Variants in ZNF267 observed in about 807,000 individuals in gnomAD.
The protein encoded by ZNF267 is zinc finger (C2H2).
Under a neutral mutation model 71.6 loss-of-function variants are expected in ZNF267, and 61 were observed. The ratio of observed to expected loss-of-function variants is 0.85; its 90% CI spans 0.69 to 1.05. The LOEUF is 1.05. Among genes scored for constraint, ZNF267 ranks in the 50% least tolerant of loss-of-function variants. The pLI is 0.00. For missense variants in ZNF267, 852 were observed against 870.0 expected, an observed-to-expected ratio of 0.98 and a Z score of 0.26; for synonymous variants, 288 against 293.2, an observed-to-expected ratio of 0.98 and a Z score of 0.18.
intron 3 of ZNF267, among the ~76,000 whole-genome samples, chr16:31,906,606 CGTTT>C (rs764087329): frequency 1.3e-5 from 2 of 152,066 alleles, no homozygotes; most frequent in African/African-American, 2.4e-5. Flanking sequence ...CCTGGTGTGC[CGTTT>C]GTTAAGCCTA....
At chr16:31,874,341 A>C (rs1419027171) in intron 1 of ZNF267, 2 of 225,244 alleles carry the variant, frequency 8.9e-6, no homozygotes, top group Non-Finnish European at 1.7e-5. Context: ...GTCCTCAGTC[A>C]CTACTCCTCT....
chr16:31,881,677 T>G (rs1265251568), intron 1 of ZNF267, among the ~76,000 whole-genome samples: 1 of 148,794 alleles, frequency 6.7e-6, no homozygotes, highest in Non-Finnish European at 1.5e-5. Flanking sequence ...CTTCTTTTTT[T>G]TTTTTTTTTT....
At chr16:31,887,601 A>G (rs937296225) in intron 3 of ZNF267, among the ~76,000 whole-genome samples, 1 of 152,146 alleles carries the variant, frequency 6.6e-6, no homozygotes, top group Non-Finnish European at 1.5e-5. Flanking sequence ...TCTTTTGCAG[A>G]TGACTACTTT....
At chr16:31,908,281 C>T (rs955564338) in intron 3 of ZNF267, among the ~76,000 whole-genome samples, 3 of 152,098 alleles carry the variant, frequency 2.0e-5, no homozygotes, top group African/African-American at 7.2e-5. Context: ...GTTTGAGCTC[C>T]TTACATATTC....
At chr16:31,881,309 G>C (rs1437816762) in intron 1 of ZNF267, among the ~76,000 whole-genome samples, 1 of 152,036 alleles carries the variant, frequency 6.6e-6, no homozygotes, top group African/African-American at 2.4e-5. Flanking sequence ...CCCAGCCCCT[G>C]CCCCAGCTCT....
intron 1 of ZNF267, among the ~76,000 whole-genome samples, chr16:31,881,539 A>G (rs937961662): frequency 5.0e-4 from 76 of 152,174 alleles, no homozygotes; most frequent in African/African-American, 1.7e-3. Flanking sequence ...TCTTATTGAA[A>G]CCAGTACCTT....
chr16:31,889,505 T>G (rs1350951699), intron 3 of ZNF267, among the ~76,000 whole-genome samples: 1 of 152,268 alleles, frequency 6.6e-6, no homozygotes, highest in Non-Finnish European at 1.5e-5. Context: ...ATTTCCCTTT[T>G]GATTTCATGG....
At chr16:31,902,005 T>G (rs984491803) in intron 3 of ZNF267, among the ~76,000 whole-genome samples, 13 of 152,218 alleles carry the variant, frequency 8.5e-5, no homozygotes, top group Non-Finnish European at 1.8e-4. Flanking sequence ...TTCAGCTTTC[T>G]CCATATGGCT....
Position 31,915,313 on chromosome 16 carries a change from G to A in ZNF267, c.1064G>A (p.Cys355Tyr). Residue 355 changes from cysteine (C) to tyrosine (Y), a missense_variant, in exon 4 of 4, where the codon TGT (cysteine) becomes TAT (tyrosine). Coordinates refer to ENST00000300870, the MANE Select transcript of ZNF267 (RefSeq NM_003414.6). Reference sequence around the variant, plus strand: ...GAGAAACCCTGTAAATGGAAAGAATGTGGCAAGGTCTTTAACCTTAACTGT... The same window carrying A: ...GAGAAACCCTGTAAATGGAAAGAATATGGCAAGGTCTTTAACCTTAACTGT... Reference protein sequence around the residue: ...TEEKPCKWKECGKVFNLNCSL... With the variant: ...TEEKPCKWKEYGKVFNLNCSL... 1.2e-6 allele frequency: 2 copies of A among 1,613,930 alleles called. No individual in the cohort carries two copies. The highest frequency in any genetic ancestry group is 1.1e-5 in the South Asian group (1 of 91,074).
At chr16:31,895,351 T>G (rs921147586) in intron 3 of ZNF267, among the ~76,000 whole-genome samples, 2 of 152,248 alleles carry the variant, frequency 1.3e-5, no homozygotes, top group African/African-American at 4.8e-5. Flanking sequence ...ACAGCACATT[T>G]TCATTATTTA....
rs753910497 is a variant in ZNF267, at chr16:31,916,168, C to A, written c.1919C>A (p.Ala640Asp). The change falls in exon 4 of 4, where the codon GCC becomes GAC. Residue 640 changes from alanine to aspartate, a missense_variant. Coordinates refer to ENST00000300870, the MANE Select transcript of ZNF267 (RefSeq NM_003414.6). ...RPYKCEECGK[A>D]FNYRSYLTTH... Reference sequence around the variant, plus strand: ...TACAAATGTGAAGAATGTGGCAAAGCCTTCAACTATAGGTCATACCTCACT... The same window carrying A: ...TACAAATGTGAAGAATGTGGCAAAGACTTCAACTATAGGTCATACCTCACT... 1.2e-6 allele frequency: 2 copies of A among 1,614,158 alleles called. No homozygotes were observed. The highest frequency in any genetic ancestry group is 1.7e-6 in the Non-Finnish European group (2 of 1,180,016).
intron 3 of ZNF267, among the ~76,000 whole-genome samples, chr16:31,911,631 T>C (rs944704912): frequency 6.6e-6 from 1 of 151,474 alleles, no homozygotes; most frequent in African/African-American, 2.4e-5. Context: ...TTCTATGTCA[T>C]CTAATTGGAG....
intron 1 of ZNF267, among the ~76,000 whole-genome samples, chr16:31,876,445 C>G (rs895339452): frequency 6.6e-6 from 1 of 152,190 alleles, no homozygotes; most frequent in East Asian, 1.9e-4. Context: ...TCTCAAACTC[C>G]TGGGCTCAAG....
At chr16:31,885,291 G>A (rs769665267) in intron 3 of ZNF267, 35 bp downstream of exon 3, 4 of 1,576,014 alleles carry the variant, frequency 2.5e-6, no homozygotes, top group South Asian at 2.3e-5. Flanking sequence ...TGACATGGGC[G>A]AGAGGTCCAG....
intron 3 of ZNF267, among the ~76,000 whole-genome samples, chr16:31,901,747 C>T (rs931287960): frequency 4.6e-5 from 7 of 152,170 alleles, no homozygotes; most frequent in African/African-American, 1.4e-4. Flanking sequence ...TGTAGGTTGC[C>T]TGTTCACTCT....
At chr16:31,890,532 T>TA (rs2083953243) in intron 3 of ZNF267, among the ~76,000 whole-genome samples, 1 of 152,350 alleles carries the variant, frequency 6.6e-6, no homozygotes, top group South Asian at 2.1e-4. Flanking sequence ...ACTGTTAGTT[T>TA]AAAAAAATTC....
intron 1 of ZNF267, among the ~76,000 whole-genome samples, chr16:31,878,286 G>C (rs1453877560): frequency 6.6e-6 from 1 of 152,040 alleles, no homozygotes; most frequent in Non-Finnish European, 1.5e-5. Flanking sequence ...TTGATTCCAG[G>C]TCTCCTGCTA....
intron 3 of ZNF267, among the ~76,000 whole-genome samples, chr16:31,899,754 A>G (rs928617980): frequency 6.6e-6 from 1 of 152,216 alleles, no homozygotes; most frequent in Non-Finnish European, 1.5e-5. Flanking sequence ...AGGCTCTCTA[A>G]TGCCTAGTTA....
intron 3 of ZNF267, among the ~76,000 whole-genome samples, chr16:31,891,865 T>C (rs1016185803): frequency 6.6e-6 from 1 of 152,178 alleles, no homozygotes; most frequent in African/African-American, 2.4e-5. Context: ...GCTGAAAAGA[T>C]AGATACCTGA....
Sources: allele counts gnomAD v4.1 joint callset (sites outside exome capture counted in the v4.1 genomes callset), GRCh38; gene constraint gnomAD v4.1.1; transcripts MANE v1.5; gene names NCBI Gene and HGNC (gene_info 2026-07-23, HGNC 2026-07-21).